TNRC18: variants seen among roughly 807,000 people sequenced by gnomAD.
The protein encoded by TNRC18 is trinucleotide repeat-containing gene 18 protein.
Under a neutral mutation model 226.7 loss-of-function variants are expected in TNRC18, and 69 were observed. That is an observed-to-expected ratio of 0.30 (90% confidence interval 0.25 to 0.37). The LOEUF (loss-of-function observed/expected upper bound fraction) is 0.37. Ranked by LOEUF, TNRC18 falls within the 10% of genes least tolerant of loss-of-function variation. The pLI is 1.00. For synonymous variants in TNRC18, 2,449 were observed against 1,927.6 expected (o/e 1.27, Z -7.09); for missense variants, 4,754 against 4,256.6 (o/e 1.12, Z -3.25).
At chr7:5,420,502 C>A (rs1357944431) in intron 2 of TNRC18, 2 of 449,086 alleles carry the variant, frequency 4.5e-6, no homozygotes, top group African/African-American at 2.0e-5. Flanking sequence ...TCCCGCCCGC[C>A]CCGAGGCCAG....
intron 18 of TNRC18, among the ~76,000 whole-genome samples, chr7:5,336,185 C>A (rs1288152631): frequency 4.8e-5 from 7 of 145,800 alleles, no homozygotes; most frequent in African/African-American, 1.8e-4. Flanking sequence ...CCAGCCTGGG[C>A]AACAGAGCGA....
chr7:5,370,928 A>G lies in TNRC18; in HGVS notation c.3666T>C (p.Phe1222=), dbSNP rs562100786. The G allele has an allele frequency of 3.3e-5, 53 of 1,605,386 alleles. No homozygotes were observed. In the South Asian group the frequency reaches 3.8e-4, roughly 12 times the overall value. Reference sequence around the variant, plus strand: ...CCACCCGTGGTTCAGGCCCCTCCACAAAGTCTGGACACTCAGAGGGCTCTG... The same window carrying G: ...CCACCCGTGGTTCAGGCCCCTCCACGAAGTCTGGACACTCAGAGGGCTCTG... ...SCAEPSECPD[F]VEGPEPRVDS... is the part of the protein sequence containing the mutation. Residue 1222 remains phenylalanine, a synonymous_variant, in exon 11 of 30, where the codon TTT becomes TTC. Transcript: ENST00000430969.
intron 2 of TNRC18, among the ~76,000 whole-genome samples, chr7:5,416,828 A>G (rs1273065140): frequency 2.0e-5 from 3 of 151,942 alleles, no homozygotes; most frequent in African/African-American, 7.3e-5. Context: ...CCGTCTCTAT[A>G]GAAAATTTTA....
At chr7:5,406,564 G>A (rs1781478797) in intron 2 of TNRC18, among the ~76,000 whole-genome samples, 2 of 151,254 alleles carry the variant, frequency 1.3e-5, no homozygotes, top group Non-Finnish European at 2.9e-5. Flanking sequence ...AAAGCAGTAA[G>A]TAGAGGCCGG....
Position 5,421,011 on chromosome 7 carries a change from G to A in TNRC18, c.187+49C>T, listed in dbSNP as rs955342349. The stretch of plus-strand genomic sequence containing the variant: ...GTGCACAGGAGGACCCGGCCGAGTG[G>A]ATCTCCCTGGGAAGACAGGAGGGGA... On this transcript the variant is annotated intron_variant, in intron 2 of 29. Coordinates refer to ENST00000430969, the MANE Select transcript of TNRC18 (RefSeq NM_001080495.3). 23 of 1,544,108 alleles carry A rather than the reference G, an allele frequency of 1.5e-5. No homozygotes were observed. The African/African-American group carries it at 2.9e-4, about 19-fold the overall frequency.
At chr7:5,308,410 C>T (rs1328983258) in intron 29 of TNRC18, 98 bp from the exon 30 acceptor site, 56 of 1,140,584 alleles carry the variant, frequency 4.9e-5, no homozygotes, top group South Asian at 1.3e-4. Context: ...CAGAGGGAGC[C>T]CCAGGGACTG....
Position 5,394,409 on chromosome 7 carries a change from C to A in TNRC18, c.343+31G>T, listed in dbSNP as rs1780514080. 1 of 1,490,142 alleles carries A rather than the reference C, an allele frequency of 6.7e-7. No individual in the cohort carries two copies. The highest frequency in any genetic ancestry group is 2.6e-5 in the East Asian group (1 of 38,442). The allele number at this position is 1,490,142 out of a possible 1,614,324, so 92.3% of individuals were successfully genotyped here. A position where few individuals can be genotyped will look rare whatever the true frequency, so the allele number is the denominator to read the frequency against. ...AGTGGCTGGGACGTCAGCCCAGCAG[C>A]CCTCAGCCCCGACCCCGGCATGTTC... On this transcript the variant is annotated intron_variant, in intron 3 of 29. Coordinates refer to ENST00000430969, the MANE Select transcript of TNRC18 (RefSeq NM_001080495.3). The surrounding 1 kb of genome is among the most constrained non-coding windows in gnomAD (Gnocchi z 4.5).
chr7:5,423,290 C>A (rs1295482954), intron 1 of TNRC18, among the ~76,000 whole-genome samples, 151 bp downstream of exon 1: 1 of 152,102 alleles, frequency 6.6e-6, no homozygotes, highest in Admixed American at 6.5e-5. Context: ...TCCCCGCCGG[C>A]CCTGGTCCCC....
intron 16 of TNRC18, among the ~76,000 whole-genome samples, chr7:5,353,335 G>A (rs1052661796): frequency 5.9e-5 from 9 of 152,066 alleles, no homozygotes; most frequent in South Asian, 2.1e-4. Context: ...CCAGGAGTTC[G>A]AGACCAGCCT....
intron 5 of TNRC18, among the ~76,000 whole-genome samples, chr7:5,386,020 C>T (rs1310952794): frequency 3.6e-5 from 5 of 140,074 alleles, no homozygotes; most frequent in Non-Finnish European, 7.6e-5. Context: ...GATGCGGTGG[C>T]TCATGCCTGT....
intron 2 of TNRC18, among the ~76,000 whole-genome samples, chr7:5,405,933 T>G (rs1301415627): frequency 6.6e-6 from 1 of 152,172 alleles, no homozygotes; most frequent in Non-Finnish European, 1.5e-5. Context: ...TATGCAGACG[T>G]TGAAATCCAG....
chr7:5,416,993 ATTTTT>A (rs1358855965), intron 2 of TNRC18, among the ~76,000 whole-genome samples: 1 of 15,944 alleles, frequency 6.3e-5, no homozygotes, highest in African/African-American at 1.3e-4. Context: ...TAAAAAAAAA[ATTTTT>A]TTTTAAGTAA....
chr7:5,342,050 T>C (rs1204191443), intron 18 of TNRC18, among the ~76,000 whole-genome samples: 2 of 152,192 alleles, frequency 1.3e-5, no homozygotes, highest in African/African-American at 2.4e-5. Context: ...ATTTAAGGAA[T>C]ATAATTTGTA....
rs1780012480 is a variant in TNRC18, at chr7:5,388,636, A to G, written c.1188T>C (p.Asp396=). The change falls in exon 5 of 30, where the codon GAT becomes GAC. Residue 396 remains aspartate (D), a synonymous_variant. Coordinates refer to ENST00000430969, the MANE Select transcript of TNRC18 (RefSeq NM_001080495.3). ...CAGCCTCGCGCTCGCGGGCCCGGGC[A>G]TCGCGCGCCTGGGATGCGATCTGGA... ...GPIQIASQAR[D]ARAREREAGR... The G allele has an allele frequency of 1.6e-6, 2 of 1,276,916 alleles. No homozygotes were observed. The highest frequency in any genetic ancestry group is 2.0e-6 in the Non-Finnish European group (2 of 1,010,668). 79.1% of individuals were successfully genotyped at this position (1,276,916 alleles called of 1,614,324 possible).
chr7:5,354,444 C>T (rs578028183), intron 16 of TNRC18, among the ~76,000 whole-genome samples: 3 of 151,914 alleles, frequency 2.0e-5, no homozygotes, highest in African/African-American at 2.4e-5. Flanking sequence ...CAATCTCCCC[C>T]GACTTCCCTG....
chr7:5,349,114 G>A (rs1402064641), intron 17 of TNRC18, among the ~76,000 whole-genome samples: 2 of 152,198 alleles, frequency 1.3e-5, no homozygotes, highest in Non-Finnish European at 2.9e-5. Context: ...CTGGGTTTCT[G>A]GATGCCCGCA....
At chr7:5,393,863 T>TC (rs916004228) in intron 3 of TNRC18, among the ~76,000 whole-genome samples, 29 of 151,890 alleles carry the variant, frequency 1.9e-4, no homozygotes, top group African/African-American at 6.5e-4. Flanking sequence ...CAGCCCCAGG[T>TC]CCCCCCGCTC....
Position 5,420,354 on chromosome 7 carries a change from C to A in TNRC18, c.187+706G>T, listed in dbSNP as rs187001756. 2,495 of 456,084 alleles carry A rather than the reference C, an allele frequency of 5.5e-3. 58 individuals carry two copies. The highest frequency in any genetic ancestry group is 0.044 in the African/African-American group (2,211 of 50,192). The allele number at this position is 456,084 out of a possible 1,614,324, so 28.3% of individuals were successfully genotyped here. On this transcript the variant is annotated intron_variant, in intron 2 of 29. Coordinates refer to ENST00000430969, the MANE Select transcript of TNRC18 (RefSeq NM_001080495.3). ...CCCCTAGGTTCGGGACCGCGATGGT[C>A]CGGTTTCGGTGTCCCTGCCGCACCT...
At chr7:5,422,422 C>T (rs972162458) in intron 1 of TNRC18, among the ~76,000 whole-genome samples, 1 of 151,350 alleles carries the variant, frequency 6.6e-6, no homozygotes, top group Admixed American at 6.6e-5. Flanking sequence ...TTGGGTAAAT[C>T]CCCCTGTAGT....
Sources: gnomAD v4.1 joint callset for allele counts (sites outside exome capture counted in the v4.1 genomes callset) on GRCh38, gnomAD v4.1.1 for gene constraint, Gnocchi (gnomAD v3.1) non-coding constraint, MANE v1.5 for transcripts, NCBI Gene and HGNC (gene_info 2026-07-23, HGNC 2026-07-21) for gene names.